Variants in LCK observed in about 807,000 individuals in gnomAD.
The protein encoded by LCK is LCK proto-oncogene, Src family tyrosine kinase, also known as tyrosine-protein kinase Lck.
LCK carries 14 observed loss-of-function variants against 64.6 expected under a neutral mutation model. The observed-to-expected ratio is 0.22, with a 90% confidence interval of 0.14 to 0.34. LCK has a LOEUF of 0.34. LCK is among the 10% of genes least tolerant of loss of function. The pLI is 1.00. For missense variants in LCK, 434 were observed against 668.1 expected, an observed-to-expected ratio of 0.65 and a Z score of 3.86; for synonymous variants, 277 against 263.6, an observed-to-expected ratio of 1.05 and a Z score of -0.49.
At chr1:32,279,229 G>T (rs1640375250) in intron 9 of LCK, among the ~76,000 whole-genome samples, 1 of 152,138 alleles carries the variant, frequency 6.6e-6, no homozygotes, top group African/African-American at 2.4e-5. Flanking sequence ...GGGCAGTCTA[G>T]CAGGGCCACG....
In LCK at chr1:32,261,206, C is replaced by T. The variant is rs1260293820; in HGVS notation, c.-6+9835C>T. On this transcript the variant is annotated intron_variant, in intron 1 of 12. Transcript: ENST00000336890. ...TCAGCCTCCTGGGTAGCTAGGACTA[C>T]AGGCAAATGCCATCACGCCATCATG... 3.3e-5 allele frequency among the ~76,000 whole-genome samples: 5 copies of T among 150,632 alleles called. No individual in the cohort carries two copies. In the South Asian group the frequency reaches 6.3e-4, roughly 19 times the overall value.
At chr1:32,267,838 G>A (rs1391824748) in intron 1 of LCK, among the ~76,000 whole-genome samples, 1 of 149,650 alleles carries the variant, frequency 6.7e-6, no homozygotes, top group South Asian at 2.1e-4. Flanking sequence ...ATATTGCAGT[G>A]AGCCGAGATC....
In LCK at chr1:32,286,073, CA is replaced by C. The variant is rs1640606245; in HGVS notation, c.*358del. ...GATCATCCAGAAGTTCCTCAAGGGCCAGGACTTTATCTAATACCTCTGTGTG... is the reference window on the plus strand; with the variant it reads ...GATCATCCAGAAGTTCCTCAAGGGCCGGACTTTATCTAATACCTCTGTGTG... On this transcript the variant is annotated 3_prime_UTR_variant, in exon 13 of 13. Transcript: ENST00000336890. The C allele has an allele frequency of 2.7e-6, 1 of 373,956 alleles. No individual in the cohort carries two copies. The highest frequency in any genetic ancestry group is 5.0e-6 in the Non-Finnish European group (1 of 200,618). 23.2% of individuals were successfully genotyped at this position (373,956 alleles called of 1,614,324 possible). A position where few individuals can be genotyped will look rare whatever the true frequency, so the allele number is the denominator to read the frequency against.
chr1:32,283,844 C>T (rs1405566237), intron 12 of LCK, among the ~76,000 whole-genome samples: 1 of 152,086 alleles, frequency 6.6e-6, no homozygotes. Flanking sequence ...CTCATCATTC[C>T]TACCAAATAA....
At chr1:32,277,066 C>T (rs1025516563) in intron 9 of LCK, 1 of 213,668 alleles carries the variant, frequency 4.7e-6, no homozygotes, top group African/African-American at 2.3e-5. Context: ...AAAAAGTAGC[C>T]AGGTGTGGTG....
At position 32,280,024 on chromosome 1, in the gene LCK, C is replaced by A. The variant is rs777886806; in HGVS notation, c.1195+30C>A. On this transcript the variant is annotated intron_variant, in intron 11 of 12. Transcript: ENST00000336890. ...GTGTGAGATTTAAGGGTGGTCTGGG[C>A]CCTGCAGGGTCTGGCCAAGCAGACC... 25 of 1,613,884 alleles carry A rather than the reference C, an allele frequency of 1.5e-5. No homozygotes were observed. In the South Asian group the frequency reaches 2.7e-4, roughly 18 times the overall value.
At chr1:32,252,407 AT>A (rs34533994) in intron 1 of LCK, among the ~76,000 whole-genome samples, 1 of 151,982 alleles carries the variant, frequency 6.6e-6, no homozygotes, top group African/African-American at 2.4e-5. Flanking sequence ...CTGAGCCTTA[AT>A]TTTTTTGGGA....
Position 32,275,860 on chromosome 1 carries a change from G to A in LCK, c.482-54G>A, listed in dbSNP as rs1640250869. ...GAGCCCAAGGTGGGGGCGCGGTGGC[G>A]GGCCAGACTCACTGCGTTCTTTCGT... On this transcript the variant is annotated intron_variant, in intron 6 of 12. Coordinates refer to ENST00000336890, the MANE Select transcript of LCK (RefSeq NM_005356.5). This position sits in a 1 kb window ranked among gnomAD's most constrained non-coding sequence, Gnocchi z 6.9. 1 of 1,601,256 alleles carries A rather than the reference G, an allele frequency of 6.2e-7. No homozygotes were observed. Among genetic ancestry groups the A allele is most frequent in the African/African-American group, 1.3e-5 (1 of 74,710 alleles).
intron 12 of LCK, among the ~76,000 whole-genome samples, chr1:32,280,598 G>A (rs906466964): frequency 4.0e-5 from 6 of 151,770 alleles, no homozygotes; most frequent in Non-Finnish European, 8.8e-5. Flanking sequence ...TAGGATTACA[G>A]GTACGTGCCA....
chr1:32,272,991 T>C (rs1640149807), intron 1 of LCK, among the ~76,000 whole-genome samples: 1 of 142,070 alleles, frequency 7.0e-6, no homozygotes. Flanking sequence ...TGGGGGTGAA[T>C]GCGTGTGTGT....
intron 1 of LCK, among the ~76,000 whole-genome samples, chr1:32,259,785 C>T (rs997582409): frequency 3.3e-5 from 5 of 151,828 alleles, no homozygotes; most frequent in African/African-American, 1.2e-4. Flanking sequence ...ACTCCAGTGG[C>T]ACAAGAGAGC....
chr1:32,267,917 G>A (rs191941050), intron 1 of LCK, among the ~76,000 whole-genome samples: 10 of 151,366 alleles, frequency 6.6e-5, no homozygotes, highest in Non-Finnish European at 1.3e-4. Context: ...TAATAAGGCC[G>A]GGCACAGTGG....
At chr1:32,265,679 T>C (rs570564215) in intron 1 of LCK, among the ~76,000 whole-genome samples, 6 of 152,252 alleles carry the variant, frequency 3.9e-5, no homozygotes, top group Admixed American at 3.9e-4. Context: ...CAAGGCCTTG[T>C]GATTCCTTTT....
At chr1:32,266,970 C>CTGGT (rs1444518651) in intron 1 of LCK, among the ~76,000 whole-genome samples, 3 of 150,346 alleles carry the variant, frequency 2.0e-5, no homozygotes, top group Admixed American at 6.7e-5. Context: ...AGGGACCTTA[C>CTGGT]TGGTCTAAGT....
At chr1:32,272,387 G>A (rs377460725) in intron 1 of LCK, among the ~76,000 whole-genome samples, 36 of 152,004 alleles carry the variant, frequency 2.4e-4, no homozygotes, top group Non-Finnish European at 2.9e-4. Flanking sequence ...CCAGGAGTTC[G>A]AGATCAGACT....
At chr1:32,271,741 G>C (rs563843441) in intron 1 of LCK, among the ~76,000 whole-genome samples, 9 of 152,308 alleles carry the variant, frequency 5.9e-5, no homozygotes, top group African/African-American at 1.9e-4. Context: ...GAGACTCTAT[G>C]CATTAACACT....
In LCK at chr1:32,275,870, C is replaced by A. The variant is rs189890782; in HGVS notation, c.482-44C>A. 2.5e-5 allele frequency: 41 copies of A among 1,609,398 alleles called. No homozygotes were observed. In the East Asian group the frequency reaches 9.1e-4, roughly 36 times the overall value. ...TGGGGGCGCGGTGGCGGGCCAGACT[C>A]ACTGCGTTCTTTCGTCGCTTTGTCC... is the stretch of plus-strand genomic sequence containing the variant. On this transcript the variant is annotated intron_variant, in intron 6 of 12. Coordinates refer to ENST00000336890, the MANE Select transcript of LCK (RefSeq NM_005356.5). The surrounding 1 kb of genome is among the most constrained non-coding windows in gnomAD (Gnocchi z 6.9).
chr1:32,276,249 C>T lies in LCK; in HGVS notation c.632-88C>T. The T allele has an allele frequency of 6.7e-7, 1 of 1,499,172 alleles. No individual in the cohort carries two copies. Among genetic ancestry groups the T allele is most frequent in the Non-Finnish European group, 8.9e-7 (1 of 1,124,890 alleles). The allele number at this position is 1,499,172 out of a possible 1,614,324, so 92.9% of individuals were successfully genotyped here. A position where few individuals can be genotyped will look rare whatever the true frequency, so the allele number is the denominator to read the frequency against. Reference sequence around the variant, plus strand: ...ACACCCCCTTGCTAGTCCACTTCACCTAGATGGGGGCTTGGAGAAGTGGGG... The same window carrying T: ...ACACCCCCTTGCTAGTCCACTTCACTTAGATGGGGGCTTGGAGAAGTGGGG... On this transcript the variant is annotated intron_variant, in intron 7 of 12. Transcript: ENST00000336890. The surrounding 1 kb of genome is among the most constrained non-coding windows in gnomAD (Gnocchi z 4.6).
At chr1:32,274,091 G>T in intron 1 of LCK, 2 of 835,920 alleles carry the variant, frequency 2.4e-6, no homozygotes, top group Non-Finnish European at 3.5e-6. Context: ...GGGAGGGTGG[G>T]GCTAGGGCTC....
Sources: gnomAD v4.1 joint callset for allele counts (sites outside exome capture counted in the v4.1 genomes callset) on GRCh38, gnomAD v4.1.1 for gene constraint, Gnocchi (gnomAD v3.1) non-coding constraint, MANE v1.5 for transcripts, NCBI Gene and HGNC (gene_info 2026-07-23, HGNC 2026-07-21) for gene names.